TNPO3: variants seen among roughly 807,000 people sequenced by gnomAD.
TNPO3 encodes transportin-3.
TNPO3 carries 65 observed loss-of-function variants against 122.8 expected under a neutral mutation model. That is an observed-to-expected ratio of 0.53 (90% CI 0.43 to 0.65). The LOEUF (loss-of-function observed/expected upper bound fraction) is 0.65, where lower values mean the gene tolerates loss of function less well. Ranked by LOEUF, TNPO3 falls within the 30% of genes least tolerant of loss-of-function variation. The pLI is 0.00. For synonymous variants in TNPO3, 372 were observed against 411.2 expected (o/e 0.90, Z 1.15); for missense variants, 850 against 1,136.7 (o/e 0.75, Z 3.63).
At position 129,014,975 on chromosome 7, in the gene TNPO3, T is replaced by G. The variant is rs1225842194; in HGVS notation, c.552+4A>C. The G allele has an allele frequency of 6.4e-7, 1 of 1,557,748 alleles. No homozygotes were observed. The highest frequency in any genetic ancestry group is 2.3e-5 in the Admixed American group (1 of 43,528). On this transcript the variant is annotated splice_donor_region_variant and intron_variant, in intron 4 of 22. Transcript: ENST00000265388. ...CAGCAACTTAGTATTTCAAACTTAC[T>G]CACCAATAGAGATACTACTGTACTA...
chr7:129,032,274 T>G (rs996160174), intron 1 of TNPO3, among the ~76,000 whole-genome samples: 19 of 152,174 alleles, frequency 1.2e-4, no homozygotes, highest in African/African-American at 4.3e-4. Context: ...AAAAAGCTTT[T>G]CAAAACTGTA....
intron 1 of TNPO3, among the ~76,000 whole-genome samples, chr7:129,043,153 C>G (rs1563112800): frequency 6.6e-6 from 1 of 151,964 alleles, no homozygotes; most frequent in Non-Finnish European, 1.5e-5. Context: ...GTCATCTCAG[C>G]ACCTTGGGAG....
intron 1 of TNPO3, among the ~76,000 whole-genome samples, chr7:129,033,240 A>C (rs1231257488): frequency 6.6e-6 from 1 of 152,240 alleles, no homozygotes; most frequent in East Asian, 1.9e-4. Flanking sequence ...AAGCTTCATA[A>C]TCATTGCAAT....
chr7:128,976,267 A>G (rs1799049751), intron 16 of TNPO3, among the ~76,000 whole-genome samples: 1 of 152,234 alleles, frequency 6.6e-6, no homozygotes, highest in Non-Finnish European at 1.5e-5. Flanking sequence ...TCTCATTTGC[A>G]CTGTAGATAA....
intron 16 of TNPO3, among the ~76,000 whole-genome samples, chr7:128,977,412 A>G (rs12531711): frequency 0.09 from 13,729 of 152,236 alleles, 855 homozygotes; most frequent in South Asian, 0.15. Context: ...GCATATAGTG[A>G]AAGTAGAGAA....
intron 2 of TNPO3, 25 bp from the exon 3 acceptor site, chr7:129,017,081 G>C (rs1803936296): frequency 8.8e-6 from 14 of 1,585,270 alleles, no homozygotes; most frequent in Non-Finnish European, 1.2e-5. Context: ...TTAAATAAAT[G>C]AAGACAGATG....
At chr7:129,004,978 T>C (rs199516274) in intron 5 of TNPO3, 38 bp downstream of exon 5, 6 of 1,582,562 alleles carry the variant, frequency 3.8e-6, no homozygotes, top group Admixed American at 1.9e-5. Flanking sequence ...CGAAAAGTGA[T>C]TGGCAGAAAT....
At chr7:129,006,758 T>C (rs1170322572) in intron 4 of TNPO3, among the ~76,000 whole-genome samples, 1 of 152,198 alleles carries the variant, frequency 6.6e-6, no homozygotes, top group Admixed American at 6.5e-5. Context: ...TACATAAACC[T>C]ACATTGAAGA....
intron 11 of TNPO3, among the ~76,000 whole-genome samples, chr7:128,989,755 T>G (rs1800554481): frequency 6.6e-6 from 1 of 152,222 alleles, no homozygotes; most frequent in South Asian, 2.1e-4. Flanking sequence ...TCTGTAGATC[T>G]AATCTTTCAA....
intron 10 of TNPO3, among the ~76,000 whole-genome samples, chr7:128,991,756 A>G (rs555308723): frequency 4.6e-5 from 7 of 152,326 alleles, no homozygotes; most frequent in South Asian, 2.1e-4. Context: ...AAAATAAATC[A>G]GCATTCTATT....
intron 16 of TNPO3, among the ~76,000 whole-genome samples, chr7:128,978,703 G>C (rs1409999033): frequency 1.3e-5 from 2 of 152,022 alleles, no homozygotes; most frequent in African/African-American, 4.8e-5. Flanking sequence ...TGTCACCCTG[G>C]CTGGAGTGCA....
Position 128,979,065 on chromosome 7 carries a change from T to G in TNPO3, c.1979A>C (p.Glu660Ala). 1.2e-6 allele frequency: 2 copies of G among 1,614,198 alleles called. No homozygotes were observed. The highest frequency in any genetic ancestry group is 1.7e-6 in the Non-Finnish European group (2 of 1,180,036). The change falls in exon 16 of 23, where the codon GAG becomes GCG. Residue 660 changes from glutamate to alanine, a missense_variant. Coordinates refer to ENST00000265388, the MANE Select transcript of TNPO3 (RefSeq NM_012470.4). ...NKHRADNRIVERCCRCLRFAV... is the reference protein window; with the variant it reads ...NKHRADNRIVARCCRCLRFAV... ...AAAGCGCAGGCACCTGCAACAACGC[T>G]CTACAATCCGATTATCAGCTCGGTG...
intron 1 of TNPO3, among the ~76,000 whole-genome samples, chr7:129,046,611 G>C (rs1451836942): frequency 6.6e-6 from 1 of 152,212 alleles, no homozygotes; most frequent in Non-Finnish European, 1.5e-5. Context: ...TACTAGCAAA[G>C]AAGTTTGAAG....
intron 7 of TNPO3, among the ~76,000 whole-genome samples, chr7:128,999,995 G>A (rs1801755573): frequency 6.6e-6 from 1 of 152,132 alleles, no homozygotes; most frequent in African/African-American, 2.4e-5. Context: ...TCGGTAAGTA[G>A]GATGTCAAGG....
At chr7:129,051,833 G>A (rs1464518889) in intron 1 of TNPO3, among the ~76,000 whole-genome samples, 2 of 152,082 alleles carry the variant, frequency 1.3e-5, no homozygotes, top group African/African-American at 2.4e-5. Context: ...TAGTAGAAAC[G>A]GGTTTTCACC....
At chr7:129,054,391 G>A (rs1024110993) in intron 1 of TNPO3, among the ~76,000 whole-genome samples, 1 of 152,188 alleles carries the variant, frequency 6.6e-6, no homozygotes, top group Admixed American at 6.5e-5. Context: ...AACAAGATTA[G>A]ATTGATGCCA....
chr7:129,027,558 CAAAAAAAAAAAAA>C (rs71162549), intron 1 of TNPO3, among the ~76,000 whole-genome samples: 24 of 8,970 alleles, frequency 2.7e-3, no homozygotes, highest in Admixed American at 0.013. Context: ...AAGACTGTCT[CAAAAAAAAAAAAA>C]AAAAAAAAAA....
chr7:129,022,975 G>C (rs1804703034), intron 1 of TNPO3, among the ~76,000 whole-genome samples: 1 of 152,204 alleles, frequency 6.6e-6, no homozygotes, highest in African/African-American at 2.4e-5. Context: ...CGAAAGAGAA[G>C]TGGTATGTAA....
intron 4 of TNPO3, among the ~76,000 whole-genome samples, chr7:129,009,632 G>A (rs1487673068): frequency 6.6e-6 from 1 of 152,200 alleles, no homozygotes; most frequent in Non-Finnish European, 1.5e-5. Flanking sequence ...GTAGTTGACT[G>A]CTGTGGCAGT....
Sources: allele counts gnomAD v4.1 joint callset (sites outside exome capture counted in the v4.1 genomes callset), GRCh38; gene constraint gnomAD v4.1.1; transcripts MANE v1.5; gene names NCBI Gene and HGNC (gene_info 2026-07-23, HGNC 2026-07-21).